KHDRBS2: variants seen among roughly 807,000 people sequenced by gnomAD.
KHDRBS2 encodes the protein KH domain-containing, RNA-binding, signal transduction-associated protein 2.
Under a neutral mutation model 44.3 loss-of-function variants are expected in KHDRBS2, and 26 were observed. The ratio of observed to expected loss-of-function variants is 0.59; its 90% CI spans 0.43 to 0.81. The LOEUF (loss-of-function observed/expected upper bound fraction) is 0.81, where lower values mean the gene tolerates loss of function less well. Ranked by LOEUF, KHDRBS2 falls within the 40% of genes least tolerant of loss-of-function variation. The pLI is 0.00. For missense variants in KHDRBS2, 476 were observed against 433.1 expected (o/e 1.10, Z -0.88); for synonymous variants, 194 against 151.1 (o/e 1.28, Z -2.08).
chr6:61,768,158 T>C (rs1780280087), intron 6 of KHDRBS2, among the ~76,000 whole-genome samples: 1 of 152,188 alleles, frequency 6.6e-6, no homozygotes, highest in Admixed American at 6.5e-5. Context: ...AAATATGTCA[T>C]GCTACTTTCT....
chr6:62,231,744 C>A (rs531174570), intron 1 of KHDRBS2, among the ~76,000 whole-genome samples: 2 of 152,168 alleles, frequency 1.3e-5, no homozygotes, highest in East Asian at 1.9e-4. Flanking sequence ...ATCTTTAATA[C>A]CTTTCATTTT....
intron 6 of KHDRBS2, among the ~76,000 whole-genome samples, chr6:61,792,279 A>G (rs1180829213): frequency 2.0e-5 from 3 of 151,260 alleles, no homozygotes; most frequent in Non-Finnish European, 4.4e-5. Context: ...TTATATTCAT[A>G]TTTATTTCTA....
chr6:62,171,890 T>C (rs1049015396), intron 2 of KHDRBS2, among the ~76,000 whole-genome samples: 3 of 152,162 alleles, frequency 2.0e-5, no homozygotes, highest in African/African-American at 7.2e-5. Flanking sequence ...AGGAAATTCA[T>C]TAATACCAGA....
At chr6:61,646,407 T>C in the KHDRBS2 span, among the ~76,000 whole-genome samples, 9 of 152,180 alleles carry the variant, frequency 5.9e-5, no homozygotes, top group Non-Finnish European at 1.0e-4. Flanking sequence ...TTTCACAGTA[T>C]ATGTCTTTTC....
At chr6:62,275,008 T>C (rs201935771) in intron 1 of KHDRBS2, among the ~76,000 whole-genome samples, 19 of 142,386 alleles carry the variant, frequency 1.3e-4, no homozygotes, top group Non-Finnish European at 3.1e-5. Context: ...GCTCATCAAA[T>C]ACACACACAC....
At chr6:61,743,769 T>C (rs900127688) in intron 6 of KHDRBS2, among the ~76,000 whole-genome samples, 4 of 129,506 alleles carry the variant, frequency 3.1e-5, no homozygotes, top group African/African-American at 1.3e-4. Context: ...CTCTTAATGC[T>C]ATCCCCCCCC....
At chr6:61,918,161 G>C (rs16900612) in intron 4 of KHDRBS2, among the ~76,000 whole-genome samples, 13,298 of 151,876 alleles carry the variant, frequency 0.088, 598 homozygotes, top group Middle Eastern at 0.15. Context: ...ACTTTCAATG[G>C]CTTGCATTTC....
At chr6:61,713,578 T>C (rs987745717) in intron 7 of KHDRBS2, among the ~76,000 whole-genome samples, 1 of 128,036 alleles carries the variant, frequency 7.8e-6, no homozygotes, top group African/African-American at 3.5e-5. Flanking sequence ...CTGATACCTT[T>C]AGCTTTTTTT....
At chr6:61,690,221 C>A (rs1344182211) in intron 8 of KHDRBS2, among the ~76,000 whole-genome samples, 1 of 151,788 alleles carries the variant, frequency 6.6e-6, no homozygotes, top group African/African-American at 2.4e-5. Context: ...GGCATACTTC[C>A]AAGTGGGCAA....
intron 6 of KHDRBS2, among the ~76,000 whole-genome samples, chr6:61,791,096 T>G (rs1784573144): frequency 6.6e-6 from 1 of 151,440 alleles, no homozygotes; most frequent in Admixed American, 6.6e-5. Context: ...CATAGTTTGA[T>G]CTCCTTAGCA....
intron 2 of KHDRBS2, among the ~76,000 whole-genome samples, chr6:62,101,653 A>G (rs1477131461): frequency 1.3e-5 from 2 of 152,174 alleles, no homozygotes; most frequent in Non-Finnish European, 2.9e-5. Context: ...AGCATGAGGG[A>G]AACAGGTATC....
At chr6:62,027,380 T>C (rs1388259813) in intron 3 of KHDRBS2, among the ~76,000 whole-genome samples, 2 of 152,158 alleles carry the variant, frequency 1.3e-5, no homozygotes, top group African/African-American at 2.4e-5. Context: ...TCTTCTTCCC[T>C]GTCCCTGGTT....
chr6:61,936,291 A>G (rs1293775316), intron 4 of KHDRBS2, among the ~76,000 whole-genome samples: 2 of 151,852 alleles, frequency 1.3e-5, no homozygotes, highest in Non-Finnish European at 2.9e-5. Context: ...GTTTTGTTTT[A>G]TACTTTAAAC....
intron 4 of KHDRBS2, among the ~76,000 whole-genome samples, chr6:61,934,926 A>C (rs550042055): frequency 1.3e-5 from 2 of 152,318 alleles, no homozygotes; most frequent in African/African-American, 2.4e-5. Context: ...CAAGAGCTTC[A>C]TCATTGCTAC....
At chr6:62,259,811 T>C (rs1365103425) in intron 1 of KHDRBS2, among the ~76,000 whole-genome samples, 1 of 152,026 alleles carries the variant, frequency 6.6e-6, no homozygotes, top group Non-Finnish European at 1.5e-5. Flanking sequence ...ATTATTTGCA[T>C]CAATAAAGCA....
chr6:61,723,228 C>A (rs138161952), intron 7 of KHDRBS2, among the ~76,000 whole-genome samples: 17 of 152,062 alleles, frequency 1.1e-4, no homozygotes, highest in Non-Finnish European at 2.1e-4. Context: ...AAACCCCATT[C>A]AATGGTTTGC....
chr6:61,595,944 G>C, the KHDRBS2 span, among the ~76,000 whole-genome samples: 1 of 151,828 alleles, frequency 6.6e-6, no homozygotes, highest in Non-Finnish European at 1.5e-5. Context: ...ATTTTTTCTA[G>C]TCATCTTGGG....
chr6:62,006,547 AAC>A (rs934756388), intron 3 of KHDRBS2, among the ~76,000 whole-genome samples: 1 of 152,030 alleles, frequency 6.6e-6, no homozygotes, highest in African/African-American at 2.4e-5. Flanking sequence ...CATGGCTTAG[AAC>A]ACACACACAG....
the KHDRBS2 span, among the ~76,000 whole-genome samples, chr6:61,662,945 G>A: frequency 6.6e-6 from 1 of 151,900 alleles, no homozygotes; most frequent in African/African-American, 2.4e-5. Flanking sequence ...AAAGACACAT[G>A]CACACGTATG....
Sources: allele counts gnomAD v4.1 joint callset (sites outside exome capture counted in the v4.1 genomes callset), GRCh38; gene constraint gnomAD v4.1.1; transcripts MANE v1.5; gene names NCBI Gene and HGNC (gene_info 2026-07-23, HGNC 2026-07-21).